DCTD: variants seen among roughly 807,000 people sequenced by gnomAD.
DCTD encodes the protein dCMP deaminase, also known as deoxycytidylate deaminase.
A neutral mutation model predicts 21.0 loss-of-function variants in DCTD; 23 were observed. That is an observed-to-expected ratio of 1.09 (90% CI 0.79 to 1.55). The LOEUF (loss-of-function observed/expected upper bound fraction) is 1.55, where lower values mean the gene tolerates loss of function less well. DCTD is among the 40% of genes most tolerant of loss of function. DCTD has a pLI of 0.00. For missense variants in DCTD, 224 were observed against 230.0 expected, an observed-to-expected ratio of 0.97 and a Z score of 0.17; for synonymous variants, 71 against 81.1, an observed-to-expected ratio of 0.88 and a Z score of 0.67.
At chr4:182,899,114 T>C (rs939998615) in intron 3 of DCTD, among the ~76,000 whole-genome samples, 1 of 152,160 alleles carries the variant, frequency 6.6e-6, no homozygotes, top group Non-Finnish European at 1.5e-5. Context: ...TGGGAAGCAA[T>C]GCGCACAGTT....
chr4:182,891,547 C>A, intron 5 of DCTD, 70 bp from the exon 6 acceptor site: 3 of 1,083,806 alleles, frequency 2.8e-6, no homozygotes, highest in Non-Finnish European at 4.2e-6. Flanking sequence ...TTTGGCTTAA[C>A]TCATATTTTC....
chr4:182,902,443 G>T (rs1321926000), intron 3 of DCTD, among the ~76,000 whole-genome samples: 1 of 152,154 alleles, frequency 6.6e-6, no homozygotes, highest in Non-Finnish European at 1.5e-5. Context: ...GAAATCAACA[G>T]ATATCACTTC....
intron 5 of DCTD, among the ~76,000 whole-genome samples, chr4:182,891,957 CTTT>C (rs5864809): frequency 8.4e-5 from 11 of 130,948 alleles, no homozygotes; most frequent in African/African-American, 2.3e-4. Flanking sequence ...CATAAACCAA[CTTT>C]TTTTTTTTTT....
intron 3 of DCTD, among the ~76,000 whole-genome samples, chr4:182,908,974 C>T (rs1737221731): frequency 6.6e-6 from 1 of 152,112 alleles, no homozygotes; most frequent in African/African-American, 2.4e-5. Flanking sequence ...TCAAAAGTCA[C>T]TTTTTATAGA....
chr4:182,910,905 C>T (rs1304418875), intron 3 of DCTD, among the ~76,000 whole-genome samples: 1 of 152,200 alleles, frequency 6.6e-6, no homozygotes, highest in Non-Finnish European at 1.5e-5. Context: ...TGTTTCCCTC[C>T]TCCCCACAAG....
At chr4:182,902,188 G>A (rs1017019017) in intron 3 of DCTD, among the ~76,000 whole-genome samples, 1 of 152,086 alleles carries the variant, frequency 6.6e-6, no homozygotes, top group Non-Finnish European at 1.5e-5. Flanking sequence ...CGGAATAGCC[G>A]CGACAGTTAA....
At chr4:182,915,335 C>T in intron 2 of DCTD, 126 bp downstream of exon 2, 1 of 752,320 alleles carries the variant, frequency 1.3e-6, no homozygotes, top group East Asian at 2.5e-5. Context: ...AGAAACGCAG[C>T]ACAAAAGGCA....
At chr4:182,910,986 T>A (rs897218255) in intron 3 of DCTD, among the ~76,000 whole-genome samples, 2 of 152,214 alleles carry the variant, frequency 1.3e-5, no homozygotes, top group East Asian at 3.8e-4. Context: ...TGTTATTTGG[T>A]AAACTCAAAT....
At chr4:182,908,735 G>C (rs1737183370) in intron 3 of DCTD, among the ~76,000 whole-genome samples, 1 of 148,918 alleles carries the variant, frequency 6.7e-6, no homozygotes, top group African/African-American at 2.5e-5. Context: ...AAATAAAGAA[G>C]GAATATCCAT....
chr4:182,916,759 A>G, intron 1 of DCTD: 1 of 1,111,496 alleles, frequency 9.0e-7, no homozygotes, highest in Non-Finnish European at 1.1e-6. Flanking sequence ...ATGGGGGGCG[A>G]GGGAAGAGCA....
intron 2 of DCTD, 68 bp from the exon 3 acceptor site, chr4:182,915,126 A>AT: frequency 6.2e-7 from 1 of 1,600,714 alleles, no homozygotes; most frequent in Non-Finnish European, 8.6e-7. Context: ...GAAGCAGGGA[A>AT]TAAAACCAGG....
At position 182,912,149 on chromosome 4, in the gene DCTD, C is replaced by CAA. The variant is rs34737293; in HGVS notation, c.244+2772_244+2773dup. Among the ~76,000 whole-genome samples the CAA allele has an allele frequency of 1.3e-4, 11 of 82,316 alleles. No individual in the cohort carries two copies. The South Asian group carries it at 1.8e-3, about 13-fold the overall frequency. 54.0% of individuals were successfully genotyped at this position (82,316 alleles called of 152,430 possible). A position where few individuals can be genotyped will look rare whatever the true frequency, so the allele number is the denominator to read the frequency against. ...AATTTTGAAAATCTTAAAACGAAAG[C>CAA]AAAAAAAAAAAAAAAGACTTTGCAT... On this transcript the variant is annotated intron_variant, in intron 3 of 5. Coordinates refer to ENST00000438320, the MANE Select transcript of DCTD (RefSeq NM_001921.3).
intron 3 of DCTD, among the ~76,000 whole-genome samples, chr4:182,906,937 A>G (rs1736824151): frequency 6.6e-6 from 1 of 152,254 alleles, no homozygotes; most frequent in Admixed American, 6.5e-5. Flanking sequence ...TGCCTTCACC[A>G]GTATCCTGCA....
At chr4:182,898,307 C>T (rs1057390481) in intron 3 of DCTD, among the ~76,000 whole-genome samples, 1 of 152,218 alleles carries the variant, frequency 6.6e-6, no homozygotes, top group African/African-American at 2.4e-5. Context: ...GGACAAAGAG[C>T]TTTGCAACAA....
intron 3 of DCTD, among the ~76,000 whole-genome samples, chr4:182,898,414 T>C (rs534036457): frequency 6.6e-6 from 1 of 152,370 alleles, no homozygotes; most frequent in African/African-American, 2.4e-5. Flanking sequence ...GGAGTGACAG[T>C]GGATCTGAGA....
Position 182,917,269 on chromosome 4 carries a change from G to A in DCTD, c.-8+42C>T. 2.9e-6 allele frequency: 3 copies of A among 1,029,108 alleles called. No homozygotes were observed. Among genetic ancestry groups the A allele is most frequent in the African/African-American group, 3.4e-5 (2 of 57,982 alleles). The allele number at this position is 1,029,108 out of a possible 1,614,324, so 63.7% of individuals were successfully genotyped here. ...GACGGTGCCACGCGGCGGTGGCTAGGGGCGCGCGGGCCGCGTACCCGCACG... is the reference window on the plus strand; with the variant it reads ...GACGGTGCCACGCGGCGGTGGCTAGAGGCGCGCGGGCCGCGTACCCGCACG... On this transcript the variant is annotated intron_variant, in intron 1 of 5. Coordinates refer to ENST00000438320, the MANE Select transcript of DCTD (RefSeq NM_001921.3). This position sits in a 1 kb window ranked among gnomAD's most constrained non-coding sequence, Gnocchi z 4.9.
intron 4 of DCTD, 37 bp downstream of exon 4, chr4:182,894,452 A>C (rs1160910002): frequency 8.1e-7 from 1 of 1,240,600 alleles, no homozygotes; most frequent in African/African-American, 1.5e-5. Flanking sequence ...AGCAGGCAGC[A>C]ATGCAAATGT....
At position 182,894,490 on chromosome 4, in the gene DCTD, T is replaced by C; in HGVS notation, c.360A>G (p.Ala120=). ...CAAATGGAAAGACCCGGTTCCTACCTGCCTGGATGATGAGCTTAGCGCATT... is the reference window on the plus strand; with the variant it reads ...CAAATGGAAAGACCCGGTTCCTACCCGCCTGGATGATGAGCTTAGCGCATT... ...CNECAKLIIQ[A]GIKEVIFMSD... is the part of the protein sequence containing the mutation. Residue 120 remains alanine, a splice_region_variant and synonymous_variant, in exon 4 of 6, where the codon GCA becomes GCG. Coordinates refer to ENST00000438320, the MANE Select transcript of DCTD (RefSeq NM_001921.3). 6.3e-7 allele frequency: 1 copy of C among 1,598,662 alleles called. No homozygotes were observed. Among genetic ancestry groups the C allele is most frequent in the South Asian group, 1.1e-5 (1 of 90,750 alleles).
chr4:182,905,674 C>T (rs1247486270), intron 3 of DCTD, among the ~76,000 whole-genome samples: 1 of 152,122 alleles, frequency 6.6e-6, no homozygotes, highest in Non-Finnish European at 1.5e-5. Flanking sequence ...CGCTGGAGCC[C>T]TCAGGGCTCA....
Sources: gnomAD v4.1 joint callset for allele counts (sites outside exome capture counted in the v4.1 genomes callset) on GRCh38, gnomAD v4.1.1 for gene constraint, Gnocchi (gnomAD v3.1) non-coding constraint, MANE v1.5 for transcripts, NCBI Gene and HGNC (gene_info 2026-07-23, HGNC 2026-07-21) for gene names.